MAGI2: variants seen among roughly 807,000 people sequenced by gnomAD.
The protein encoded by MAGI2 is membrane-associated guanylate kinase, WW and PDZ domain-containing protein 2.
In MAGI2, 35 loss-of-function variants were observed where a neutral mutation model predicts 133.3. The ratio of observed to expected loss-of-function variants is 0.26; its 90% confidence interval spans 0.20 to 0.35. The LOEUF is 0.35. MAGI2 is among the 10% of genes least tolerant of loss of function. MAGI2 has a pLI of 1.00. For missense variants in MAGI2, 1,636 were observed against 1,863.4 expected (o/e 0.88, Z 2.25); for synonymous variants, 729 against 710.6 (o/e 1.03, Z -0.41).
chr7:79,211,095 C>T (rs1410696086), intron 1 of MAGI2, among the ~76,000 whole-genome samples: 1 of 151,992 alleles, frequency 6.6e-6, no homozygotes, highest in Non-Finnish European at 1.5e-5. Context: ...TTGGCTTATT[C>T]ATGATATGTG....
At chr7:78,157,499 T>C (rs1470210281) in intron 16 of MAGI2, among the ~76,000 whole-genome samples, 4 of 151,922 alleles carry the variant, frequency 2.6e-5, no homozygotes, top group African/African-American at 9.7e-5. Flanking sequence ...TTTCTTTACA[T>C]AGTAAGTGCA....
At chr7:78,465,435 A>G (rs1790520817) in intron 6 of MAGI2, among the ~76,000 whole-genome samples, 1 of 152,212 alleles carries the variant, frequency 6.6e-6, no homozygotes, top group Non-Finnish European at 1.5e-5. Context: ...ATGTACTATT[A>G]ACACGTGCAT....
chr7:78,725,527 G>A (rs920475373), intron 2 of MAGI2, among the ~76,000 whole-genome samples: 67 of 152,336 alleles, frequency 4.4e-4, no homozygotes, highest in African/African-American at 1.3e-3. Flanking sequence ...GGCCAGGCAC[G>A]GTGGCTCACG....
At position 78,369,357 on chromosome 7, in the gene MAGI2, T is replaced by C. The variant is rs114293836; in HGVS notation, c.1046-144A>G. The C allele has an allele frequency of 3.9e-3, 2,371 of 607,572 alleles. 45 individuals carry two copies. Among genetic ancestry groups the C allele is most frequent in the African/African-American group, 0.037 (1,982 of 53,624 alleles). 37.6% of individuals were successfully genotyped at this position (607,572 alleles called of 1,614,324 possible). ...AGAGTCAGCAGCAAATTTCAGAACATATTATAGAAACTATAAGAGGCACTG... is the reference window on the plus strand; with the variant it reads ...AGAGTCAGCAGCAAATTTCAGAACACATTATAGAAACTATAAGAGGCACTG... On this transcript the variant is annotated intron_variant, in intron 6 of 21. Transcript: ENST00000354212.
chr7:79,178,191 G>C (rs1013905272), intron 1 of MAGI2, among the ~76,000 whole-genome samples: 1 of 151,848 alleles, frequency 6.6e-6, no homozygotes, highest in African/African-American at 2.4e-5. Context: ...CTGGCTACAA[G>C]AAGACTTACT....
At chr7:78,964,827 T>G (rs1436270193) in intron 2 of MAGI2, among the ~76,000 whole-genome samples, 4 of 152,004 alleles carry the variant, frequency 2.6e-5, no homozygotes, top group Non-Finnish European at 5.9e-5. Context: ...TATAACAAAG[T>G]GTCTTTATCA....
intron 2 of MAGI2, among the ~76,000 whole-genome samples, chr7:78,919,033 CTTTG>C (rs1799019744): frequency 6.6e-6 from 1 of 151,860 alleles, no homozygotes; most frequent in East Asian, 1.9e-4. Flanking sequence ...TTTTAAGAAA[CTTTG>C]TTTGGATATA....
intron 2 of MAGI2, among the ~76,000 whole-genome samples, chr7:78,847,218 G>A (rs763253727): frequency 2.0e-5 from 3 of 151,924 alleles, no homozygotes; most frequent in South Asian, 2.1e-4. Flanking sequence ...AGTAACTTCC[G>A]TATGCTAGAT....
chr7:78,528,188 T>C (rs1797147570), intron 3 of MAGI2, among the ~76,000 whole-genome samples: 1 of 152,238 alleles, frequency 6.6e-6, no homozygotes, highest in South Asian at 2.1e-4. Flanking sequence ...TATTTGTTTT[T>C]ATAGTTTTAT....
At chr7:78,492,197 A>G (rs941509508) in intron 5 of MAGI2, among the ~76,000 whole-genome samples, 1 of 151,984 alleles carries the variant, frequency 6.6e-6, no homozygotes, top group Admixed American at 6.6e-5. Flanking sequence ...AGAACTGTGA[A>G]TTTTCCAGCT....
intron 6 of MAGI2, among the ~76,000 whole-genome samples, chr7:78,464,084 A>G (rs1165364653): frequency 6.6e-6 from 1 of 152,182 alleles, no homozygotes; most frequent in South Asian, 2.1e-4. Flanking sequence ...TGCTCAAGAA[A>G]TGCTAAATAT....
intron 2 of MAGI2, among the ~76,000 whole-genome samples, chr7:79,002,468 ACATGCATGCATACT>A (rs1485700443): frequency 1.3e-5 from 2 of 152,150 alleles, no homozygotes; most frequent in African/African-American, 2.4e-5. Flanking sequence ...ATGAGCATAC[ACATGCATGCATACT>A]CATGCTCTCA....
At chr7:78,163,067 A>C (rs1433522750) in intron 15 of MAGI2, among the ~76,000 whole-genome samples, 1 of 152,192 alleles carries the variant, frequency 6.6e-6, no homozygotes, top group Non-Finnish European at 1.5e-5. Context: ...CATCTAGCTC[A>C]TACACAAGTG....
intron 6 of MAGI2, among the ~76,000 whole-genome samples, chr7:78,375,229 C>T (rs1380595810): frequency 1.3e-5 from 2 of 152,052 alleles, no homozygotes; most frequent in African/African-American, 4.8e-5. Context: ...TGTTGTCTTT[C>T]TGCTCCCTAG....
chr7:79,116,998 C>G (rs1473156160), intron 1 of MAGI2, among the ~76,000 whole-genome samples: 1 of 152,148 alleles, frequency 6.6e-6, no homozygotes, highest in Non-Finnish European at 1.5e-5. Flanking sequence ...GAAAAATGGG[C>G]TAATACACCC....
At chr7:79,378,458 T>A (rs1843526575) in intron 1 of MAGI2, among the ~76,000 whole-genome samples, 1 of 151,550 alleles carries the variant, frequency 6.6e-6, no homozygotes, top group African/African-American at 2.4e-5. Flanking sequence ...TACTTTAGAA[T>A]ATAAAGAGCT....
chr7:79,438,484 T>C (rs1443586944), intron 1 of MAGI2, among the ~76,000 whole-genome samples: 2 of 152,122 alleles, frequency 1.3e-5, no homozygotes, highest in African/African-American at 4.8e-5. Flanking sequence ...ATTGTGGAAA[T>C]AGCATGCTAC....
intron 3 of MAGI2, among the ~76,000 whole-genome samples, chr7:78,560,698 G>C (rs1005771148): frequency 4.6e-5 from 7 of 152,104 alleles, no homozygotes; most frequent in Non-Finnish European, 1.0e-4. Context: ...GGCAGAGCTG[G>C]GTTTGAATTT....
intron 9 of MAGI2, among the ~76,000 whole-genome samples, chr7:78,336,551 T>C (rs770074104): frequency 7.9e-5 from 12 of 152,070 alleles, no homozygotes; most frequent in Non-Finnish European, 7.4e-5. Flanking sequence ...AGTGATACCT[T>C]GTCTCTATAA....
Sources: gnomAD v4.1 joint callset for allele counts (sites outside exome capture counted in the v4.1 genomes callset) on GRCh38, gnomAD v4.1.1 for gene constraint, MANE v1.5 for transcripts, NCBI Gene and HGNC (gene_info 2026-07-23, HGNC 2026-07-21) for gene names.